The following PAPPA variants were observed in gnomAD, a reference collection of about 807,000 sequenced individuals.
The protein encoded by PAPPA is pappalysin-1.
In PAPPA, 60 loss-of-function variants were observed where a neutral mutation model predicts 164.0. The observed-to-expected ratio is 0.37, with a 90% CI of 0.30 to 0.45. The LOEUF (loss-of-function observed/expected upper bound fraction) is 0.45, where lower values mean the gene tolerates loss of function less well. Ranked by LOEUF, PAPPA falls within the 20% of genes least tolerant of loss-of-function variation. The pLI, the probability that PAPPA is intolerant of heterozygous loss-of-function variation, is 1.00. For synonymous variants in PAPPA, 875 were observed against 814.1 expected (o/e 1.07, Z -1.27); for missense variants, 1,782 against 2,087.3 (o/e 0.85, Z 2.85).
At chr9:116,345,140 T>C (rs566592499) in intron 14 of PAPPA, among the ~76,000 whole-genome samples, 65 of 152,280 alleles carry the variant, frequency 4.3e-4, no homozygotes, top group African/African-American at 1.1e-3. Flanking sequence ...CTATAGTAAG[T>C]ACTAAAGAAA....
intron 21 of PAPPA, among the ~76,000 whole-genome samples, chr9:116,386,229 G>C (rs1357466740): frequency 1.3e-5 from 2 of 152,196 alleles, no homozygotes; most frequent in Admixed American, 1.3e-4. Flanking sequence ...TTCTGGAAAA[G>C]TGTCTCAGAT....
At chr9:116,336,564 G>A (rs1397097650) in intron 13 of PAPPA, among the ~76,000 whole-genome samples, 1 of 152,156 alleles carries the variant, frequency 6.6e-6, no homozygotes, top group Non-Finnish European at 1.5e-5. Flanking sequence ...CAGCCTTCCT[G>A]ACCATCCATA....
intron 7 of PAPPA, among the ~76,000 whole-genome samples, chr9:116,245,149 C>T (rs1392547504): frequency 6.7e-6 from 1 of 149,416 alleles, no homozygotes; most frequent in African/African-American, 2.5e-5. Flanking sequence ...ACAATATGGA[C>T]ACTCAGAAGG....
At chr9:116,307,716 A>C (rs1214887815) in intron 10 of PAPPA, among the ~76,000 whole-genome samples, 3 of 152,194 alleles carry the variant, frequency 2.0e-5, no homozygotes, top group African/African-American at 7.2e-5. Context: ...TCCTGCACTG[A>C]GGAATGTGAG....
At chr9:116,396,094 A>G (rs1288157400) in intron 21 of PAPPA, among the ~76,000 whole-genome samples, 1 of 152,212 alleles carries the variant, frequency 6.6e-6, no homozygotes, top group Non-Finnish European at 1.5e-5. Flanking sequence ...AGGCTCTGAG[A>G]TAAGTAAGTA....
chr9:116,388,419 AG>A (rs1846845420), intron 21 of PAPPA, among the ~76,000 whole-genome samples: 2 of 152,190 alleles, frequency 1.3e-5, no homozygotes, highest in Admixed American at 1.3e-4. Context: ...GAGGGAGAAA[AG>A]GGAAACAACC....
At chr9:116,315,198 C>CT (rs1845772829) in intron 10 of PAPPA, among the ~76,000 whole-genome samples, 1 of 152,198 alleles carries the variant, frequency 6.6e-6, no homozygotes, top group Admixed American at 6.5e-5. Flanking sequence ...GCAGGGCCTT[C>CT]TGAAATCCCC....
intron 1 of PAPPA, among the ~76,000 whole-genome samples, chr9:116,175,742 T>C (rs544328242): frequency 2.0e-5 from 3 of 152,264 alleles, no homozygotes; most frequent in African/African-American, 7.2e-5. Flanking sequence ...TACAGGGTGG[T>C]GATAGACATG....
chr9:116,269,334 G>A (rs1318417334), intron 8 of PAPPA, among the ~76,000 whole-genome samples: 1 of 152,124 alleles, frequency 6.6e-6, no homozygotes, highest in African/African-American at 2.4e-5. Flanking sequence ...ATTCCCCATT[G>A]CATTGTTGTG....
chr9:116,330,598 TGTGTGTGTGTGTGCGTGTGTGTGTAGGG>T (rs1056510809), intron 10 of PAPPA, among the ~76,000 whole-genome samples: 2 of 151,510 alleles, frequency 1.3e-5, no homozygotes, highest in African/African-American at 4.8e-5. Flanking sequence ...TGAATTTGTG[TGTGTGTGTGTGTGCGTGTGTGTGTAGGG>T]GTGTGTGTGT....
rs562580862 is a variant in PAPPA at position 116,397,532 on chromosome 9, C to T, written c.*916C>T. 2.6e-5 allele frequency: 4 copies of T among 152,604 alleles called. No individual in the cohort carries two copies. The highest frequency in any genetic ancestry group is 4.4e-5 in the Non-Finnish European group (3 of 68,050). The allele number at this position is 152,604 out of a possible 1,614,324, so 9.5% of individuals were successfully genotyped here. A position where few individuals can be genotyped will look rare whatever the true frequency, so the allele number is the denominator to read the frequency against. ...TAGGTTAGGAAAAATTCCACACAAC[C>T]AAACAGTCTGCCTTAAAAGTGACCC... On this transcript the variant is annotated 3_prime_UTR_variant, in exon 22 of 22. Transcript: ENST00000328252.
chr9:116,386,129 C>T (rs187732981), intron 21 of PAPPA, among the ~76,000 whole-genome samples: 1 of 152,208 alleles, frequency 6.6e-6, no homozygotes, highest in Admixed American at 6.5e-5. Context: ...CTAAGGGCCT[C>T]CTTTATGGCA....
intron 12 of PAPPA, 28 bp from the exon 13 acceptor site, chr9:116,334,833 C>T (rs957017800): frequency 2.5e-6 from 4 of 1,572,502 alleles, no homozygotes; most frequent in African/African-American, 2.7e-5. Context: ...TGAGCCTGGC[C>T]CCTCGGCCCC....
intron 9 of PAPPA, chr9:116,286,411 GC>G (rs766873644): frequency 4.6e-5 from 7 of 152,208 alleles, no homozygotes; most frequent in Non-Finnish European, 1.0e-4. Context: ...CTGCAGGTCT[GC>G]CACCCCCCAG....
At chr9:116,242,862 T>A (rs972574287) in intron 7 of PAPPA, among the ~76,000 whole-genome samples, 20 of 147,586 alleles carry the variant, frequency 1.4e-4, no homozygotes, top group African/African-American at 4.8e-4. Context: ...TTCTTTGCAC[T>A]TTTTTACCCA....
At chr9:116,308,835 A>T (rs1349800120) in intron 10 of PAPPA, among the ~76,000 whole-genome samples, 1 of 152,204 alleles carries the variant, frequency 6.6e-6, no homozygotes, top group Non-Finnish European at 1.5e-5. Flanking sequence ...AAATGTGTGT[A>T]TGGAAATAAG....
intron 18 of PAPPA, 83 bp downstream of exon 18, chr9:116,362,822 C>T: frequency 6.7e-6 from 9 of 1,351,930 alleles, no homozygotes; most frequent in Admixed American, 2.1e-5. Flanking sequence ...GGTCATTGAA[C>T]ACCCTGGCCA....
chr9:116,235,995 T>C (rs1403522084), intron 7 of PAPPA, among the ~76,000 whole-genome samples: 1 of 152,206 alleles, frequency 6.6e-6, no homozygotes, highest in East Asian at 1.9e-4. Flanking sequence ...AGTTTGCTAA[T>C]GATTTTCTTT....
intron 17 of PAPPA, among the ~76,000 whole-genome samples, chr9:116,355,184 C>T (rs1181706926): frequency 1.7e-5 from 1 of 60,134 alleles, no homozygotes; most frequent in Non-Finnish European, 3.1e-5. Flanking sequence ...TTCACTGCAT[C>T]TGCACCCTTC....
Sources: gnomAD v4.1 joint callset for allele counts (sites outside exome capture counted in the v4.1 genomes callset) on GRCh38, gnomAD v4.1.1 for gene constraint, MANE v1.5 for transcripts, NCBI Gene and HGNC (gene_info 2026-07-23, HGNC 2026-07-21) for gene names.